Variants in PLCE1 observed in about 807,000 individuals in gnomAD.
The protein encoded by PLCE1 is phospholipase C epsilon 1.
In PLCE1, 119 loss-of-function variants were observed where a neutral mutation model predicts 242.8. The observed-to-expected ratio is 0.49, with a 90% CI of 0.42 to 0.57. The LOEUF (loss-of-function observed/expected upper bound fraction) is 0.57. PLCE1 is among the 20% of genes least tolerant of loss of function. The pLI, the probability that PLCE1 is intolerant of heterozygous loss-of-function variation, is 0.00. For synonymous variants in PLCE1, 945 were observed against 1,017.4 expected (o/e 0.93, Z 1.35); for missense variants, 2,441 against 2,788.8 (o/e 0.88, Z 2.81).
intron 32 of PLCE1, 105 bp from the exon 33 acceptor site, chr10:94,327,863 G>T: frequency 2.6e-6 from 1 of 378,876 alleles, no homozygotes; most frequent in Non-Finnish European, 5.6e-6. Flanking sequence ...CCCAAACCTA[G>T]CCACTAGAGC....
chr10:94,159,238 C>G (rs958893620), intron 3 of PLCE1, among the ~76,000 whole-genome samples: 3 of 152,002 alleles, frequency 2.0e-5, no homozygotes, highest in East Asian at 3.9e-4. Flanking sequence ...GTGAGCTCAT[C>G]TTTTTCATGT....
Position 94,032,070 on chromosome 10 carries a change from A to C in PLCE1, c.1024A>C (p.Thr342Pro). ...NDREVKKSVYTGTRAIVRTLP... is the reference protein window; with the variant it reads ...NDREVKKSVYPGTRAIVRTLP... ...CAGAGAAGTTAAGAAATCTGTGTAT[A>C]CTGGAACAAGAGCAATTGTGAGAAC... The change falls in exon 2 of 33, where the codon ACT becomes CCT. Residue 342 changes from threonine (T) to proline (P), a missense_variant. Transcript: ENST00000371380. 6.2e-7 allele frequency: 1 copy of C among 1,612,828 alleles called. No individual in the cohort carries two copies. Among genetic ancestry groups the C allele is most frequent in the South Asian group, 1.1e-5 (1 of 90,904 alleles).
In PLCE1 at chr10:94,031,888, G is replaced by A; in HGVS notation, c.842G>A (p.Ser281Asn). The A allele has an allele frequency of 6.2e-7, 1 of 1,613,906 alleles. No homozygotes were observed. The highest frequency in any genetic ancestry group is 8.5e-7 in the Non-Finnish European group (1 of 1,179,896). Residue 281 changes from serine (S) to asparagine (N), a missense_variant, in exon 2 of 33, where the codon AGC (serine) becomes AAC (asparagine). Coordinates refer to ENST00000371380, the MANE Select transcript of PLCE1 (RefSeq NM_016341.4). ...EKVDMVYSGD[S>N]FCRKDFTDSQ... ...GTTGACATGGTATATTCAGGTGATAGCTTTTGTAGGAAAGACTTTACTGAC... is the reference window on the plus strand; with the variant it reads ...GTTGACATGGTATATTCAGGTGATAACTTTTGTAGGAAAGACTTTACTGAC...
chr10:94,260,240 G>A (rs1421490616), intron 13 of PLCE1, among the ~76,000 whole-genome samples: 1 of 152,082 alleles, frequency 6.6e-6, no homozygotes, highest in African/African-American at 2.4e-5. Flanking sequence ...AGTCTTTAGC[G>A]CCTTCCACAG....
At chr10:94,209,614 A>G (rs973753091) in intron 4 of PLCE1, among the ~76,000 whole-genome samples, 1 of 152,198 alleles carries the variant, frequency 6.6e-6, no homozygotes, top group African/African-American at 2.4e-5. Context: ...TAATGTAGGT[A>G]TGTTCTATGA....
chr10:94,055,078 TAC>T (rs2134857895), intron 2 of PLCE1, among the ~76,000 whole-genome samples: 1 of 151,414 alleles, frequency 6.6e-6, no homozygotes, highest in Admixed American at 6.6e-5. Flanking sequence ...CTAAATAGAT[TAC>T]AGAGTCACTT....
At chr10:94,021,674 A>G (rs1402719559) in intron 1 of PLCE1, among the ~76,000 whole-genome samples, 1 of 152,100 alleles carries the variant, frequency 6.6e-6, no homozygotes, top group Non-Finnish European at 1.5e-5. Context: ...AAATTAGGTT[A>G]ACTTCTCCAA....
intron 2 of PLCE1, among the ~76,000 whole-genome samples, chr10:94,109,954 G>A (rs775658603): frequency 2.7e-5 from 4 of 150,540 alleles, no homozygotes; most frequent in Admixed American, 6.6e-5. Context: ...ATGGGGTTCA[G>A]AGGAACATTT....
At chr10:94,142,635 T>C (rs1240858983) in intron 3 of PLCE1, among the ~76,000 whole-genome samples, 2 of 152,244 alleles carry the variant, frequency 1.3e-5, no homozygotes, top group Non-Finnish European at 2.9e-5. Flanking sequence ...ATGATGGTGA[T>C]GATGATGGTA....
intron 2 of PLCE1, chr10:94,099,607 A>G (rs2045445279): frequency 6.6e-6 from 1 of 152,250 alleles, no homozygotes; most frequent in Non-Finnish European, 1.5e-5. Flanking sequence ...CATGGAAATT[A>G]AGACAAAACC....
chr10:94,036,636 T>C (rs2061669631), intron 2 of PLCE1, among the ~76,000 whole-genome samples: 1 of 152,216 alleles, frequency 6.6e-6, no homozygotes, highest in Admixed American at 6.5e-5. Context: ...CCCTCTCTCC[T>C]GCTCTGAAAT....
chr10:94,195,359 T>C (rs2048787692), intron 4 of PLCE1, among the ~76,000 whole-genome samples: 3 of 152,140 alleles, frequency 2.0e-5, no homozygotes, highest in Admixed American at 2.0e-4. Context: ...TAGGAGTTTG[T>C]GATTTGGGGA....
At chr10:94,022,410 T>A (rs1039888435) in intron 1 of PLCE1, among the ~76,000 whole-genome samples, 1 of 151,968 alleles carries the variant, frequency 6.6e-6, no homozygotes, top group Non-Finnish European at 1.5e-5. Context: ...TACATATGTA[T>A]GTGTGTGTGT....
chr10:94,080,629 A>G (rs987284262), intron 2 of PLCE1, among the ~76,000 whole-genome samples: 1 of 152,146 alleles, frequency 6.6e-6, no homozygotes, highest in Non-Finnish European at 1.5e-5. Flanking sequence ...TCCTCACATC[A>G]TTCACCTGTC....
chr10:94,258,980 A>G, intron 12 of PLCE1, 34 bp from the exon 13 acceptor site: 1 of 1,613,930 alleles, frequency 6.2e-7, no homozygotes, highest in East Asian at 2.2e-5. Flanking sequence ...CTATAAAGAT[A>G]CTCAATGAGA....
intron 2 of PLCE1, among the ~76,000 whole-genome samples, chr10:94,046,293 G>T (rs922523061): frequency 1.3e-5 from 2 of 152,182 alleles, no homozygotes; most frequent in African/African-American, 2.4e-5. Flanking sequence ...CTCTCAGGAG[G>T]ATATTTCCCG....
intron 4 of PLCE1, among the ~76,000 whole-genome samples, chr10:94,211,057 G>A (rs916457811): frequency 2.6e-5 from 4 of 152,204 alleles, no homozygotes; most frequent in African/African-American, 9.6e-5. Flanking sequence ...CTTGGACTCC[G>A]TTCAGCCTGC....
chr10:94,317,765 C>T (rs1439364941), intron 29 of PLCE1, among the ~76,000 whole-genome samples: 1 of 152,034 alleles, frequency 6.6e-6, no homozygotes, highest in Non-Finnish European at 1.5e-5. Flanking sequence ...CTGAGAAAAC[C>T]CTACTAACTT....
At chr10:94,275,704 C>T (rs907158485) in intron 19 of PLCE1, among the ~76,000 whole-genome samples, 3 of 152,056 alleles carry the variant, frequency 2.0e-5, no homozygotes, top group Admixed American at 6.6e-5. Flanking sequence ...GGCATGGTGG[C>T]ATGTGCCTGT....
Sources: gnomAD v4.1 joint callset for allele counts (sites outside exome capture counted in the v4.1 genomes callset) on GRCh38, gnomAD v4.1.1 for gene constraint, MANE v1.5 for transcripts, NCBI Gene and HGNC (gene_info 2026-07-23, HGNC 2026-07-21) for gene names.